The following TMEM132D variants were observed in gnomAD, a reference collection of about 807,000 sequenced individuals.
The protein encoded by TMEM132D is transmembrane protein 132D, also known as mature OL transmembrane protein.
Under a neutral mutation model 62.3 loss-of-function variants are expected in TMEM132D, and 21 were observed. That is an observed-to-expected ratio of 0.34 (90% CI 0.24 to 0.49). The LOEUF (loss-of-function observed/expected upper bound fraction) is 0.49, where lower values mean the gene tolerates loss of function less well. Among genes scored for constraint, TMEM132D ranks in the 20% least tolerant of loss-of-function variants. The pLI is 0.99. For synonymous variants in TMEM132D, 621 were observed against 575.6 expected (o/e 1.08, Z -1.13); for missense variants, 1,346 against 1,402.8 (o/e 0.96, Z 0.65).
Position 129,600,870 on chromosome 12 carries a change from A to C in TMEM132D, c.969-69665T>G, listed in dbSNP as rs1039432236. The stretch of plus-strand genomic sequence containing the variant: ...AACACAGGCAGGGTAGAGTAAGCAT[A>C]ATTATTAAGGGCCCTAGGAATTTCA... On this transcript the variant is annotated intron_variant, in intron 2 of 8. Coordinates refer to ENST00000422113, the MANE Select transcript of TMEM132D (RefSeq NM_133448.3). 2.0e-5 allele frequency among the ~76,000 whole-genome samples: 3 copies of C among 152,146 alleles called. No homozygotes were observed. In the East Asian group the frequency reaches 5.8e-4, roughly 29 times the overall value.
intron 4 of TMEM132D, among the ~76,000 whole-genome samples, chr12:129,267,298 C>T (rs1473796543): frequency 6.6e-6 from 1 of 152,040 alleles, no homozygotes; most frequent in Non-Finnish European, 1.5e-5. Flanking sequence ...TCGTCTCAGC[C>T]CAAAATCTCC....
chr12:129,325,771 A>G (rs1868888894), intron 4 of TMEM132D, among the ~76,000 whole-genome samples: 1 of 152,238 alleles, frequency 6.6e-6, no homozygotes, highest in African/African-American at 2.4e-5. Flanking sequence ...GAACCTGAGA[A>G]TTAGTCACAA....
chr12:129,700,088 C>G lies in TMEM132D; in HGVS notation c.690G>C (p.Val230=), dbSNP rs2137226017. ...AGTCCCCTCTCTCACCCCCTGGGTG[C>G]ACGGTGTAGTAGAGCTCCACGGGGG... is the stretch of plus-strand genomic sequence containing the variant. The part of the protein sequence containing the change: ...EGTPVELYYT[V]HPGGERGDCV... The change falls in exon 2 of 9, where the codon GTG becomes GTC. Residue 230 remains valine (V), a synonymous_variant. Coordinates refer to ENST00000422113, the MANE Select transcript of TMEM132D (RefSeq NM_133448.3). 1 of 1,613,654 alleles carries G rather than the reference C, an allele frequency of 6.2e-7. No homozygotes were observed. The highest frequency in any genetic ancestry group is 1.6e-4 in the Middle Eastern group (1 of 6,062).
intron 5 of TMEM132D, among the ~76,000 whole-genome samples, chr12:129,174,098 G>A (rs1274528178): frequency 6.6e-5 from 10 of 152,048 alleles, no homozygotes; most frequent in South Asian, 6.2e-4. Context: ...ACGATGCCCC[G>A]CTTTTCTTTA....
intron 3 of TMEM132D, among the ~76,000 whole-genome samples, chr12:129,502,978 GTCTA>G (rs995325781): frequency 1.3e-4 from 20 of 152,138 alleles, no homozygotes; most frequent in Admixed American, 2.0e-4. Flanking sequence ...AACCTTGACT[GTCTA>G]TCTTATTGCT....
intron 1 of TMEM132D, among the ~76,000 whole-genome samples, chr12:129,747,088 G>A (rs894697779): frequency 2.1e-5 from 3 of 145,130 alleles, no homozygotes; most frequent in African/African-American, 7.5e-5. Flanking sequence ...AGCCCAGGGC[G>A]CTCCAGTTCC....
intron 3 of TMEM132D, among the ~76,000 whole-genome samples, chr12:129,392,468 T>G (rs964651378): frequency 1.3e-5 from 2 of 152,214 alleles, no homozygotes; most frequent in African/African-American, 4.8e-5. Flanking sequence ...TTTCCTCTGA[T>G]CCTTCCTCCT....
At chr12:129,238,652 C>T (rs1329071234) in intron 4 of TMEM132D, among the ~76,000 whole-genome samples, 1 of 152,060 alleles carries the variant, frequency 6.6e-6, no homozygotes, top group African/African-American at 2.4e-5. Flanking sequence ...TAGCATATGT[C>T]CAAATTTCCT....
chr12:129,840,472 A>T (rs1005042123), intron 1 of TMEM132D: 4 of 152,338 alleles, frequency 2.6e-5, no homozygotes, highest in South Asian at 2.1e-4. Flanking sequence ...AAATACAAAA[A>T]TTCTCCAACT....
intron 5 of TMEM132D, among the ~76,000 whole-genome samples, chr12:129,125,499 AGT>A (rs745640596): frequency 0.041 from 5,239 of 127,722 alleles, 441 homozygotes; most frequent in African/African-American, 0.13. Context: ...AATTACTATG[AGT>A]TTTTTTTTTT....
chr12:129,629,846 T>C (rs533443682), intron 2 of TMEM132D, among the ~76,000 whole-genome samples: 278 of 152,214 alleles, frequency 1.8e-3, no homozygotes, highest in Non-Finnish European at 2.6e-3. Flanking sequence ...GTTTGGCACC[T>C]GATTTATATC....
intron 2 of TMEM132D, among the ~76,000 whole-genome samples, chr12:129,691,244 T>A (rs1427924924): frequency 1.3e-5 from 2 of 151,830 alleles, no homozygotes. Context: ...CTAAAATCAA[T>A]AACCTAATCT....
chr12:129,423,478 G>A (rs1333189517), intron 3 of TMEM132D, among the ~76,000 whole-genome samples: 1 of 152,136 alleles, frequency 6.6e-6, no homozygotes, highest in African/African-American at 2.4e-5. Context: ...GATTTCAAGA[G>A]CCAAATCTGG....
At chr12:129,898,431 T>G (rs1204523539) in intron 1 of TMEM132D, among the ~76,000 whole-genome samples, 1 of 152,198 alleles carries the variant, frequency 6.6e-6, no homozygotes, top group Non-Finnish European at 1.5e-5. Flanking sequence ...AAGGCAGAAG[T>G]GCACTCCCCC....
At chr12:129,534,702 T>G (rs928921262) in intron 2 of TMEM132D, among the ~76,000 whole-genome samples, 2 of 152,110 alleles carry the variant, frequency 1.3e-5, no homozygotes, top group Non-Finnish European at 2.9e-5. Flanking sequence ...GGACAAAAGG[T>G]GGACACATGA....
intron 1 of TMEM132D, among the ~76,000 whole-genome samples, chr12:129,776,707 C>T (rs577913202): frequency 4.2e-5 from 6 of 143,772 alleles, no homozygotes; most frequent in Non-Finnish European, 9.0e-5. Context: ...ACCATTTATG[C>T]AAGTTCTAGC....
intron 2 of TMEM132D, among the ~76,000 whole-genome samples, chr12:129,542,914 C>G (rs7970848): frequency 0.01 from 1,568 of 151,972 alleles, 33 homozygotes; most frequent in African/African-American, 0.035. Flanking sequence ...CAGGCACATG[C>G]TGTATAGGTT....
rs190119761 is a variant in TMEM132D at position 129,583,686 on chromosome 12, G to A, written c.969-52481C>T. ...TATGAGGATAGAGAAAGACCCGTGG[G>A]GGGTGAGCTTGCCTTAGACAGAGGA... On this transcript the variant is annotated intron_variant, in intron 2 of 8. Transcript: ENST00000422113. Among the ~76,000 whole-genome samples, 125 of 152,236 alleles carry A rather than the reference G, an allele frequency of 8.2e-4. 1 individual carries two copies. The Middle Eastern group carries it at 0.014, about 17-fold the overall frequency.
At chr12:129,786,015 C>G (rs1432058509) in intron 1 of TMEM132D, among the ~76,000 whole-genome samples, 1 of 152,178 alleles carries the variant, frequency 6.6e-6, no homozygotes, top group Non-Finnish European at 1.5e-5. Context: ...AATAGTTGAT[C>G]AAGGTGATAG....
Sources: gnomAD v4.1 joint callset for allele counts (sites outside exome capture counted in the v4.1 genomes callset) on GRCh38, gnomAD v4.1.1 for gene constraint, MANE v1.5 for transcripts, NCBI Gene and HGNC (gene_info 2026-07-23, HGNC 2026-07-21) for gene names.